Variants in NR6A1 observed in about 807,000 individuals in gnomAD.
NR6A1 encodes the protein retinoic acid receptor-related testis-associated receptor.
A neutral mutation model predicts 59.1 loss-of-function variants in NR6A1; 7 were observed. The observed-to-expected ratio is 0.12, with a 90% CI of 0.07 to 0.22. The LOEUF (loss-of-function observed/expected upper bound fraction) is 0.22. Among genes scored for constraint, NR6A1 ranks in the 10% least tolerant of loss-of-function variants. The probability of loss-of-function intolerance (pLI) is 1.00; values close to 1 mark genes in which losing one functional copy is unlikely to be tolerated. For synonymous variants in NR6A1, 243 were observed against 236.1 expected (o/e 1.03, Z -0.27); for missense variants, 468 against 611.6 (o/e 0.77, Z 2.48).
At chr9:124,580,771 G>C (rs1366756649) in intron 2 of NR6A1, among the ~76,000 whole-genome samples, 1 of 152,106 alleles carries the variant, frequency 6.6e-6, no homozygotes, top group Non-Finnish European at 1.5e-5. Context: ...TGTGAGCCAA[G>C]ATCGCGCCAC....
intron 1 of NR6A1, among the ~76,000 whole-genome samples, chr9:124,756,951 A>G (rs1455701967): frequency 7.1e-6 from 1 of 141,266 alleles, no homozygotes; most frequent in Non-Finnish European, 1.6e-5. Context: ...AGATGCTAGG[A>G]TGAGGGTGCA....
chr9:124,582,422 G>A (rs972682374), intron 2 of NR6A1, among the ~76,000 whole-genome samples: 4 of 152,188 alleles, frequency 2.6e-5, no homozygotes, highest in East Asian at 3.9e-4. Flanking sequence ...CCAGAGGGCA[G>A]AGGGTGGGAG....
intron 2 of NR6A1, chr9:124,692,573 A>T: frequency 2.1e-6 from 1 of 479,472 alleles, no homozygotes. Flanking sequence ...ACATTTCCTG[A>T]AGCAAAAGAG....
rs1210748567 is a variant in NR6A1 at position 124,610,561 on chromosome 9, C to CT, written c.143-55992dup. ...ATCAGGGATACTGGCCTGAAGTTTT[C>CT]TTTTTTTGTTGTATCTCTGCCAGGT... On this transcript the variant is annotated intron_variant, in intron 2 of 9. Transcript: ENST00000487099. Among the ~76,000 whole-genome samples, 4 of 152,026 alleles carry CT rather than the reference C, an allele frequency of 2.6e-5. 1 individual carries two copies. The highest frequency in any genetic ancestry group is 4.2e-4 in the South Asian group (2 of 4,812).
rs574741766 is a variant in NR6A1 at position 124,716,238 on chromosome 9, A to T, written c.142+17070T>A. 6.0e-4 allele frequency among the ~76,000 whole-genome samples: 91 copies of T among 152,312 alleles called. 1 individual carries two copies. In the South Asian group the frequency reaches 0.018, roughly 30 times the overall value. On this transcript the variant is annotated intron_variant, in intron 2 of 9. Coordinates refer to ENST00000487099, the MANE Select transcript of NR6A1 (RefSeq NM_033334.4). ...AAAATGTAATGAAGAAAGCCTTTTC[A>T]ACAAATGGTGCCAAACAAATGAATA...
chr9:124,637,048 T>C (rs1291786941), intron 2 of NR6A1, among the ~76,000 whole-genome samples: 1 of 152,112 alleles, frequency 6.6e-6, no homozygotes, highest in Non-Finnish European at 1.5e-5. Flanking sequence ...AACAAGGTGC[T>C]AATGGGAACC....
chr9:124,636,760 G>A (rs772542615), intron 2 of NR6A1, among the ~76,000 whole-genome samples: 7 of 152,000 alleles, frequency 4.6e-5, no homozygotes, highest in South Asian at 2.1e-4. Flanking sequence ...CTGTCTATTC[G>A]GTCCTACTGA....
chr9:124,589,053 A>T (rs1462814078), intron 2 of NR6A1, among the ~76,000 whole-genome samples: 1 of 152,132 alleles, frequency 6.6e-6, no homozygotes, highest in Non-Finnish European at 1.5e-5. Context: ...ACTGTGGCAC[A>T]TCATCACCTC....
intron 2 of NR6A1, among the ~76,000 whole-genome samples, chr9:124,626,056 G>C (rs959293931): frequency 6.6e-6 from 1 of 152,210 alleles, no homozygotes; most frequent in Non-Finnish European, 1.5e-5. Context: ...ACACAGGCTG[G>C]AGTGCAGTGG....
At chr9:124,630,880 G>A (rs941302907) in intron 2 of NR6A1, among the ~76,000 whole-genome samples, 3 of 150,276 alleles carry the variant, frequency 2.0e-5, no homozygotes, top group African/African-American at 4.9e-5. Context: ...GTTTTTCCAC[G>A]TTGGTCAGGC....
At chr9:124,714,875 G>A (rs1264354768) in intron 2 of NR6A1, among the ~76,000 whole-genome samples, 2 of 152,144 alleles carry the variant, frequency 1.3e-5, no homozygotes, top group East Asian at 3.9e-4. Context: ...ACCTAAATAA[G>A]GAGAAAGATA....
rs529635720 is a variant in NR6A1 at position 124,528,967 on chromosome 9, G to A, written c.1080-2067C>T. ...CATCTGTAGATTTTGGCATCCATGG[G>A]GGTCCTGGAAGCAATCCTCCACGGA... On this transcript the variant is annotated intron_variant, in intron 7 of 9. Coordinates refer to ENST00000487099, the MANE Select transcript of NR6A1 (RefSeq NM_033334.4). Among the ~76,000 whole-genome samples the A allele has an allele frequency of 5.9e-5, 9 of 152,232 alleles. No individual in the cohort carries two copies. In the East Asian group the frequency reaches 1.2e-3, roughly 20 times the overall value.
intron 2 of NR6A1, among the ~76,000 whole-genome samples, chr9:124,713,514 C>G (rs768753072): frequency 6.6e-6 from 1 of 152,084 alleles, no homozygotes; most frequent in Non-Finnish European, 1.5e-5. Flanking sequence ...GATTAATATA[C>G]AGAACACAGA....
intron 2 of NR6A1, among the ~76,000 whole-genome samples, chr9:124,662,419 T>C (rs1391495984): frequency 6.6e-6 from 1 of 152,180 alleles, no homozygotes; most frequent in African/African-American, 2.4e-5. Flanking sequence ...TGAAACTTAG[T>C]ATCCTTACCT....
chr9:124,599,595 G>A (rs1835389764), intron 2 of NR6A1: 1 of 1,165,218 alleles, frequency 8.6e-7, no homozygotes, highest in Non-Finnish European at 1.1e-6. Context: ...GCGCGGCGGC[G>A]GCGGCCGCTC....
rs1230114170 is a variant in NR6A1, at chr9:124,688,334, GA to G, written c.142+44973del. On this transcript the variant is annotated intron_variant, in intron 2 of 9. Transcript: ENST00000487099. Reference sequence around the variant, plus strand: ...AGCAAGAGACCCTGTCTTTAAAAAAGAAAAAAAAAAAAGTTATGTGAATGTG... The same window carrying G: ...AGCAAGAGACCCTGTCTTTAAAAAAGAAAAAAAAAAAGTTATGTGAATGTG... Among the ~76,000 whole-genome samples the G allele has an allele frequency of 3.9e-3, 538 of 137,380 alleles. 3 individuals are homozygous for G. The highest frequency in any genetic ancestry group is 7.2e-3 in the African/African-American group (271 of 37,406). 90.1% of individuals were successfully genotyped at this position (137,380 alleles called of 152,430 possible). A position where few individuals can be genotyped will look rare whatever the true frequency, so the allele number is the denominator to read the frequency against.
intron 2 of NR6A1, among the ~76,000 whole-genome samples, chr9:124,636,886 T>A (rs1836625067): frequency 6.6e-6 from 1 of 152,118 alleles, no homozygotes; most frequent in African/African-American, 2.4e-5. Context: ...CAACTCAAAT[T>A]GAAAAGGATG....
At chr9:124,687,321 G>T (rs1838369211) in intron 2 of NR6A1, among the ~76,000 whole-genome samples, 1 of 58,528 alleles carries the variant, frequency 1.7e-5, no homozygotes, top group African/African-American at 1.4e-4. Context: ...TTTATTTATT[G>T]GTAGAGACAA....
intron 3 of NR6A1, among the ~76,000 whole-genome samples, chr9:124,545,052 C>T (rs1833559174): frequency 6.6e-6 from 1 of 152,220 alleles, no homozygotes; most frequent in East Asian, 1.9e-4. Flanking sequence ...GGACTGATTG[C>T]CTCAAAAGGT....
Sources: gnomAD v4.1 joint callset for allele counts (sites outside exome capture counted in the v4.1 genomes callset) on GRCh38, gnomAD v4.1.1 for gene constraint, MANE v1.5 for transcripts, NCBI Gene and HGNC (gene_info 2026-07-23, HGNC 2026-07-21) for gene names.